Variants in ARHGAP44 observed in about 807,000 individuals in gnomAD.
The protein encoded by ARHGAP44 is Rho GTPase activating protein 44.
In ARHGAP44, 43 loss-of-function variants were observed where a neutral mutation model predicts 106.8. The ratio of observed to expected loss-of-function variants is 0.40; its 90% CI spans 0.32 to 0.52. The LOEUF is 0.52. Among genes scored for constraint, ARHGAP44 ranks in the 20% least tolerant of loss-of-function variants. The pLI is 0.48. For missense variants in ARHGAP44, 866 were observed against 1,050.5 expected (o/e 0.82, Z 2.43); for synonymous variants, 439 against 410.3 (o/e 1.07, Z -0.85).
chr17:12,875,596 A>T (rs527568583), intron 1 of ARHGAP44, among the ~76,000 whole-genome samples: 26 of 149,486 alleles, frequency 1.7e-4, no homozygotes, highest in African/African-American at 6.7e-4. Flanking sequence ...TATCTCAAAA[A>T]TAAATAAATA....
intron 1 of ARHGAP44, among the ~76,000 whole-genome samples, chr17:12,864,691 T>A (rs940827313): frequency 2.0e-5 from 3 of 152,082 alleles, no homozygotes; most frequent in Non-Finnish European, 4.4e-5. Context: ...AACTAGAAAA[T>A]ATGGCAGCTA....
At chr17:12,897,362 A>G (rs777913155) in intron 3 of ARHGAP44, among the ~76,000 whole-genome samples, 2 of 151,162 alleles carry the variant, frequency 1.3e-5, no homozygotes, top group African/African-American at 4.9e-5. Flanking sequence ...CTGTCATGTA[A>G]TGTGCCACAA....
intron 6 of ARHGAP44, among the ~76,000 whole-genome samples, chr17:12,921,669 G>A (rs1000222786): frequency 6.6e-6 from 1 of 152,174 alleles, no homozygotes. Flanking sequence ...AGCATACAGA[G>A]TTCAGAAGGT....
chr17:12,834,920 G>C (rs1291932185), intron 1 of ARHGAP44, among the ~76,000 whole-genome samples: 1 of 152,158 alleles, frequency 6.6e-6, no homozygotes, highest in African/African-American at 2.4e-5. Flanking sequence ...GATTATAAAA[G>C]TACAGCTTAC....
intron 13 of ARHGAP44, 84 bp from the exon 14 acceptor site, chr17:12,955,783 A>C: frequency 2.6e-6 from 2 of 755,146 alleles, no homozygotes; most frequent in African/African-American, 1.8e-5. Flanking sequence ...GATATGTGAC[A>C]TGAGAGAAGC....
At chr17:12,817,873 A>T (rs906419845) in intron 1 of ARHGAP44, among the ~76,000 whole-genome samples, 1 of 152,042 alleles carries the variant, frequency 6.6e-6, no homozygotes, top group South Asian at 2.1e-4. Flanking sequence ...TATTACTATA[A>T]ATAGAGTTCT....
intron 3 of ARHGAP44, among the ~76,000 whole-genome samples, chr17:12,907,622 G>T (rs2037592982): frequency 1.3e-5 from 2 of 152,166 alleles, no homozygotes; most frequent in Non-Finnish European, 2.9e-5. Context: ...ATGTCTTCAA[G>T]ATTCATCTGT....
intron 1 of ARHGAP44, among the ~76,000 whole-genome samples, chr17:12,841,479 G>A (rs1597919568): frequency 6.6e-6 from 1 of 151,914 alleles, no homozygotes; most frequent in East Asian, 1.9e-4. Flanking sequence ...CAGTTACTTG[G>A]GAGGCTAAGG....
intron 1 of ARHGAP44, among the ~76,000 whole-genome samples, chr17:12,834,490 C>A (rs930062359): frequency 1.3e-5 from 2 of 152,110 alleles, no homozygotes; most frequent in Admixed American, 6.6e-5. Flanking sequence ...GGCAACAGAG[C>A]AAGACCCTGT....
At chr17:12,908,860 A>G (rs956346322) in intron 3 of ARHGAP44, 37 bp from the exon 4 acceptor site, 13 of 1,560,224 alleles carry the variant, frequency 8.3e-6, no homozygotes, top group Non-Finnish European at 1.1e-5. Context: ...ATGAATATGG[A>G]AAGTAGCTTT....
intron 1 of ARHGAP44, among the ~76,000 whole-genome samples, chr17:12,842,880 T>C (rs911798775): frequency 6.6e-6 from 1 of 152,144 alleles, no homozygotes; most frequent in Admixed American, 6.5e-5. Flanking sequence ...ACACTCTGGG[T>C]AACACACATC....
intron 1 of ARHGAP44, among the ~76,000 whole-genome samples, chr17:12,876,788 G>A (rs975139997): frequency 4.6e-5 from 7 of 151,576 alleles, no homozygotes; most frequent in African/African-American, 1.7e-4. Context: ...GCGTGCACTT[G>A]TAATCCCAGC....
At position 12,802,988 on chromosome 17, in the gene ARHGAP44, T is replaced by TTA. The variant is rs1567621526; in HGVS notation, c.53+13098_53+13099insAT. Among the ~76,000 whole-genome samples, 90 of 117,288 alleles carry TTA rather than the reference T, an allele frequency of 7.7e-4. 3 individuals are homozygous for TTA. The highest frequency in any genetic ancestry group is 2.9e-3 in the African/African-American group (84 of 29,036). 76.9% of individuals were successfully genotyped at this position (117,288 alleles called of 152,430 possible). A position where few individuals can be genotyped will look rare whatever the true frequency, so the allele number is the denominator to read the frequency against. ...ATATATATTTTTTTTTTTTTTTTTT[T>TTA]TTGAGGCAGAGTCTAGCTCTGTCAC... On this transcript the variant is annotated intron_variant, in intron 1 of 20. Transcript: ENST00000379672.
Position 12,991,148 on chromosome 17 carries a change from G to C in ARHGAP44, c.*977G>C, listed in dbSNP as rs552840363. 1 of 152,624 alleles carries C rather than the reference G, an allele frequency of 6.6e-6. No individual in the cohort carries two copies. Among genetic ancestry groups the C allele is most frequent in the Non-Finnish European group, 1.5e-5 (1 of 68,050 alleles). The allele number at this position is 152,624 out of a possible 1,614,324, so 9.5% of individuals were successfully genotyped here. A position where few individuals can be genotyped will look rare whatever the true frequency, so the allele number is the denominator to read the frequency against. On this transcript the variant is annotated 3_prime_UTR_variant, in exon 21 of 21. Coordinates refer to ENST00000379672, the MANE Select transcript of ARHGAP44 (RefSeq NM_014859.6). ...CCTGCTTTGCTCACCAGCGTCAGCC[G>C]CTCATTTCCTTCTCATGAAGTCCCA...
chr17:12,851,627 T>G (rs2035744551), intron 1 of ARHGAP44, among the ~76,000 whole-genome samples: 1 of 152,060 alleles, frequency 6.6e-6, no homozygotes, highest in African/African-American at 2.4e-5. Context: ...AGAGAAACGG[T>G]TTCACCATGT....
chr17:12,954,825 GC>G (rs2039088024), intron 13 of ARHGAP44, among the ~76,000 whole-genome samples: 1 of 151,958 alleles, frequency 6.6e-6, no homozygotes, highest in African/African-American at 2.4e-5. Flanking sequence ...TTTCTATATA[GC>G]TTCTTTGTTG....
Position 12,947,250 on chromosome 17 carries a change from A to G in ARHGAP44, c.862-1890A>G, listed in dbSNP as rs1598100147. ...CCTCCGGGATCCCCAGCAACCCCCA[A>G]ATTGCCAAATCCGATGACTTACTGC... On this transcript the variant is annotated intron_variant, in intron 10 of 20. Coordinates refer to ENST00000379672, the MANE Select transcript of ARHGAP44 (RefSeq NM_014859.6). Among the ~76,000 whole-genome samples the G allele has an allele frequency of 2.6e-5, 4 of 152,176 alleles. No homozygotes were observed. In the South Asian group the frequency reaches 8.3e-4, roughly 32 times the overall value.
chr17:12,845,506 C>CAAA (rs748288660), intron 1 of ARHGAP44, among the ~76,000 whole-genome samples: 2,697 of 67,764 alleles, frequency 0.04, 134 homozygotes, highest in African/African-American at 0.14. Flanking sequence ...GACTCCGTCT[C>CAAA]AAAAAAAAAA....
chr17:12,941,229 G>A, intron 8 of ARHGAP44, 105 bp downstream of exon 8: 1 of 1,077,036 alleles, frequency 9.3e-7, no homozygotes, highest in Admixed American at 2.2e-5. Context: ...AGAAAAAGGT[G>A]GGAGCTTTGA....
Sources: allele counts gnomAD v4.1 joint callset (sites outside exome capture counted in the v4.1 genomes callset), GRCh38; gene constraint gnomAD v4.1.1; transcripts MANE v1.5; gene names NCBI Gene and HGNC (gene_info 2026-07-23, HGNC 2026-07-21).